CADM2: variants seen among roughly 807,000 people sequenced by gnomAD.
CADM2 encodes immunoglobulin superfamily member 4D.
A neutral mutation model predicts 49.8 loss-of-function variants in CADM2; 12 were observed. The ratio of observed to expected loss-of-function variants is 0.24; its 90% confidence interval spans 0.15 to 0.39. The LOEUF is 0.39. Among genes scored for constraint, CADM2 ranks in the 10% least tolerant of loss-of-function variants. The probability of loss-of-function intolerance (pLI) is 1.00; values close to 1 mark genes in which losing one functional copy is unlikely to be tolerated. For synonymous variants in CADM2, 214 were observed against 175.4 expected, an observed-to-expected ratio of 1.22 and a Z score of -1.74; for missense variants, 378 against 492.3, an observed-to-expected ratio of 0.77 and a Z score of 2.20.
chr3:85,971,077 G>C (rs1013021819), intron 8 of CADM2, among the ~76,000 whole-genome samples: 1 of 151,420 alleles, frequency 6.6e-6, no homozygotes. Context: ...GTTCACTGAC[G>C]TTAATATTTT....
chr3:85,438,689 T>C, intron 1 of CADM2, among the ~76,000 whole-genome samples: 1 of 152,068 alleles, frequency 6.6e-6, no homozygotes, highest in Non-Finnish European at 1.5e-5. Context: ...CCTTTCTTTT[T>C]TGAGACAGGG....
At chr3:85,657,010 G>A (rs147369284) in intron 1 of CADM2, among the ~76,000 whole-genome samples, 2,247 of 152,200 alleles carry the variant, frequency 0.015, 56 homozygotes, top group African/African-American at 0.051. Context: ...CTATCAAGCC[G>A]TTTATCATGC....
intron 3 of CADM2, among the ~76,000 whole-genome samples, chr3:85,861,284 A>G (rs112749667): frequency 1.8e-4 from 27 of 152,344 alleles, no homozygotes; most frequent in African/African-American, 6.3e-4. Flanking sequence ...TTCCAATTAC[A>G]TATCAGGAAT....
chr3:85,802,008 AC>A, intron 2 of CADM2, 38 bp from the exon 3 acceptor site: 1 of 1,537,478 alleles, frequency 6.5e-7, no homozygotes, highest in Non-Finnish European at 8.8e-7. Flanking sequence ...TCATTTTATG[AC>A]TTTCATTTAA....
intron 3 of CADM2, 101 bp downstream of exon 3, chr3:85,802,297 C>A: frequency 1.0e-6 from 1 of 1,000,576 alleles, no homozygotes; most frequent in Non-Finnish European, 1.4e-6. Context: ...CTTTTGATTA[C>A]CAAACTGCTG....
At chr3:85,522,357 C>T (rs1322328059) in intron 1 of CADM2, among the ~76,000 whole-genome samples, 2 of 151,894 alleles carry the variant, frequency 1.3e-5, no homozygotes, top group Admixed American at 1.3e-4. Context: ...ATATTTGAAG[C>T]GAGTTAATTA....
chr3:85,671,321 TGGA>T (rs1399900927), intron 1 of CADM2, among the ~76,000 whole-genome samples: 1 of 152,096 alleles, frequency 6.6e-6, no homozygotes, highest in East Asian at 1.9e-4. Flanking sequence ...GGAATGGGGG[TGGA>T]GGAGAATAGG....
At chr3:84,979,511 G>A (rs1001688616) in intron 1 of CADM2, among the ~76,000 whole-genome samples, 1 of 152,182 alleles carries the variant, frequency 6.6e-6, no homozygotes, top group South Asian at 2.1e-4. Context: ...TGAGTAACTA[G>A]AAGAGGTATC....
intron 1 of CADM2, among the ~76,000 whole-genome samples, chr3:85,558,243 G>A (rs66544515): frequency 0.51 from 77,714 of 151,654 alleles, 22,989 homozygotes; most frequent in East Asian, 0.85. Context: ...AGAAATATAA[G>A]TAAATATAAC....
chr3:85,705,625 A>G (rs1172487550), intron 1 of CADM2, among the ~76,000 whole-genome samples: 1 of 152,194 alleles, frequency 6.6e-6, no homozygotes, highest in Non-Finnish European at 1.5e-5. Flanking sequence ...GCTCCTAATT[A>G]TAAGTTCTGT....
chr3:85,441,668 A>T (rs1468626744), intron 1 of CADM2, among the ~76,000 whole-genome samples: 1 of 152,074 alleles, frequency 6.6e-6, no homozygotes, highest in Non-Finnish European at 1.5e-5. Flanking sequence ...ACAACCACAT[A>T]CCTCAAACAT....
chr3:85,566,907 T>G (rs1559914543), intron 1 of CADM2, among the ~76,000 whole-genome samples: 1 of 152,196 alleles, frequency 6.6e-6, no homozygotes, highest in Non-Finnish European at 1.5e-5. Context: ...CACAAACAAT[T>G]TCATTCTACA....
chr3:85,820,807 GA>G (rs1433713059), intron 3 of CADM2, among the ~76,000 whole-genome samples: 1 of 152,104 alleles, frequency 6.6e-6, no homozygotes, highest in Non-Finnish European at 1.5e-5. Flanking sequence ...AAGATCTAGG[GA>G]AAAGGAGTCC....
intron 1 of CADM2, among the ~76,000 whole-genome samples, chr3:85,033,165 C>T (rs182616489): frequency 1.2e-4 from 19 of 152,234 alleles, no homozygotes; most frequent in Admixed American, 5.2e-4. Flanking sequence ...GATAAAGTCA[C>T]GTTGTTTTTA....
At chr3:85,873,045 A>T (rs1406887183) in intron 3 of CADM2, among the ~76,000 whole-genome samples, 1 of 152,140 alleles carries the variant, frequency 6.6e-6, no homozygotes, top group Non-Finnish European at 1.5e-5. Context: ...GCATCTGGCA[A>T]GGGTCTTTGT....
intron 1 of CADM2, among the ~76,000 whole-genome samples, chr3:85,361,167 G>T (rs1406550895): frequency 2.6e-5 from 4 of 152,140 alleles, no homozygotes; most frequent in South Asian, 2.1e-4. Context: ...GTTTATTTGA[G>T]CATTGAACGA....
chr3:85,382,153 A>C (rs776170787), intron 1 of CADM2, among the ~76,000 whole-genome samples: 10 of 152,188 alleles, frequency 6.6e-5, no homozygotes, highest in Admixed American at 1.3e-4. Context: ...TAAAACAAAA[A>C]TAAAATGAGC....
chr3:84,985,293 C>T (rs1343726773), intron 1 of CADM2, among the ~76,000 whole-genome samples: 1 of 152,036 alleles, frequency 6.6e-6, no homozygotes, highest in Admixed American at 6.6e-5. Flanking sequence ...GATATGTGGG[C>T]ACTCTGGTCA....
chr3:85,663,952 T>G (rs1169015457), intron 1 of CADM2, among the ~76,000 whole-genome samples: 1 of 152,028 alleles, frequency 6.6e-6, no homozygotes, highest in East Asian at 1.9e-4. Flanking sequence ...ATTTAGAATT[T>G]TCGTCTTACG....
Sources: gnomAD v4.1 joint callset for allele counts (sites outside exome capture counted in the v4.1 genomes callset) on GRCh38, gnomAD v4.1.1 for gene constraint, MANE v1.5 for transcripts, NCBI Gene and HGNC (gene_info 2026-07-23, HGNC 2026-07-21) for gene names.